Variants in GSN observed in about 807,000 individuals in gnomAD.
The protein encoded by GSN is gelsolin.
Under a neutral mutation model 85.7 loss-of-function variants are expected in GSN, and 56 were observed. The ratio of observed to expected loss-of-function variants is 0.65; its 90% CI spans 0.53 to 0.82. The LOEUF is 0.82. Among genes scored for constraint, GSN ranks in the 40% least tolerant of loss-of-function variants. The pLI is 0.00. For missense variants in GSN, 857 were observed against 979.8 expected (o/e 0.87, Z 1.67); for synonymous variants, 373 against 399.1 (o/e 0.93, Z 0.78).
chr9:121,235,837 TG>T (rs2054482179), intron 5 of GSN, among the ~76,000 whole-genome samples: 1 of 152,226 alleles, frequency 6.6e-6, no homozygotes, highest in Non-Finnish European at 1.5e-5. Context: ...GCCATGTGCC[TG>T]GCTCCTATTA....
intron 1 of GSN, among the ~76,000 whole-genome samples, chr9:121,276,241 G>A (rs2132477295): frequency 6.6e-6 from 1 of 152,350 alleles, no homozygotes; most frequent in African/African-American, 2.4e-5. Context: ...TCATGTGTTA[G>A]GTTTTCTTAA....
At chr9:121,230,650 A>G (rs1055525338) in intron 4 of GSN, among the ~76,000 whole-genome samples, 2 of 152,098 alleles carry the variant, frequency 1.3e-5, no homozygotes, top group African/African-American at 4.8e-5. Context: ...GACTTTTTCC[A>G]TCGGTAAAAT....
chr9:121,229,714 T>C (rs1411659774), intron 4 of GSN, among the ~76,000 whole-genome samples: 1 of 152,226 alleles, frequency 6.6e-6, no homozygotes, highest in African/African-American at 2.4e-5. Flanking sequence ...TTGGTTAAAG[T>C]GGTGGTTATC....
chr9:121,217,466 T>C (rs971707824), intron 4 of GSN, among the ~76,000 whole-genome samples: 5 of 152,190 alleles, frequency 3.3e-5, no homozygotes, highest in Non-Finnish European at 7.3e-5. Flanking sequence ...ACAGATTATT[T>C]TGTCACCCAG....
At chr9:121,259,221 T>G (rs2149805) in intron 6 of GSN, among the ~76,000 whole-genome samples, 57,567 of 151,990 alleles carry the variant, frequency 0.38, 13,584 homozygotes, top group East Asian at 0.62. Flanking sequence ...AACCCAGTAA[T>G]GAAATCATTA....
chr9:121,278,455 C>G lies in GSN; in HGVS notation c.-102-3015C>G, dbSNP rs541290064. On this transcript the variant is annotated intron_variant, in intron 1 of 17. Transcript: ENST00000432226. Reference sequence around the variant, plus strand: ...GAAAAATACTCTGCTCCAGTATCCCCCCATCCCACCTCCAGAGCAGAAAGC... The same window carrying G: ...GAAAAATACTCTGCTCCAGTATCCCGCCATCCCACCTCCAGAGCAGAAAGC... Among the ~76,000 whole-genome samples the G allele has an allele frequency of 9.8e-5, 15 of 152,302 alleles. No homozygotes were observed. In the South Asian group the frequency reaches 2.9e-3, roughly 30 times the overall value.
rs568415538 is a variant in GSN, at chr9:121,213,914, G to A, written c.-528+3047G>A. 7.2e-5 allele frequency among the ~76,000 whole-genome samples: 11 copies of A among 152,254 alleles called. No homozygotes were observed. The East Asian group carries it at 2.1e-3, about 29-fold the overall frequency. On this transcript the variant is annotated intron_variant, in intron 4 of 24. Transcript: ENST00000373823. ...GAAAAGATTAAAAGCCCTTTCAACC[G>A]ACGAGCTCGTACCTTCTTTTAGAGC...
At position 121,256,312 on chromosome 9, in the gene GSN, C is replaced by T. The variant is rs369056772; in HGVS notation, c.-341+7989C>T. 5.3e-5 allele frequency among the ~76,000 whole-genome samples: 8 copies of T among 152,112 alleles called. No individual in the cohort carries two copies. The South Asian group carries it at 8.3e-4, about 16-fold the overall frequency. On this transcript the variant is annotated intron_variant, in intron 6 of 24. Coordinates refer to the GSN transcript ENST00000373823. Reference sequence around the variant, plus strand: ...ATAGGAGTAAGGAGCCAAAAGAAAACGTGATGTATATATGCACTTGAATAT... The same window carrying T: ...ATAGGAGTAAGGAGCCAAAAGAAAATGTGATGTATATATGCACTTGAATAT...
chr9:121,208,711 C>T (rs2053922380), intron 1 of GSN, among the ~76,000 whole-genome samples: 1 of 152,316 alleles, frequency 6.6e-6, no homozygotes, highest in African/African-American at 2.4e-5. Context: ...ATGGTCACAC[C>T]TAGCTGAAAG....
intron 12 of GSN, among the ~76,000 whole-genome samples, chr9:121,325,214 A>G (rs1333569621): frequency 4.6e-5 from 7 of 152,220 alleles, no homozygotes; most frequent in Non-Finnish European, 7.4e-5. Context: ...CCCCTTATAC[A>G]TATGTGTTAA....
intron 6 of GSN, among the ~76,000 whole-genome samples, chr9:121,260,087 C>A (rs2055050105): frequency 6.6e-6 from 1 of 152,246 alleles, no homozygotes; most frequent in Admixed American, 6.5e-5. Context: ...CTGGACTAAG[C>A]ACAGAGGAAG....
intron 5 of GSN, 145 bp downstream of exon 5, chr9:121,310,990 A>T (rs2133439906): frequency 1.4e-6 from 1 of 732,330 alleles, no homozygotes; most frequent in South Asian, 1.6e-5. Flanking sequence ...ATATGTCTGT[A>T]TGCAAAGACT....
intron 5 of GSN, among the ~76,000 whole-genome samples, chr9:121,237,160 G>A (rs2054511645): frequency 6.6e-6 from 1 of 152,208 alleles, no homozygotes; most frequent in African/African-American, 2.4e-5. Context: ...TGCTCAGAGA[G>A]GGAGAGCTGT....
chr9:121,235,619 C>T (rs998124598), intron 5 of GSN, among the ~76,000 whole-genome samples: 1 of 152,210 alleles, frequency 6.6e-6, no homozygotes, highest in Non-Finnish European at 1.5e-5. Context: ...CTTTGTCGCT[C>T]ATTCTTCCCC....
At chr9:121,314,209 G>A (rs988038584) in intron 7 of GSN, among the ~76,000 whole-genome samples, 186 bp downstream of exon 7, 8 of 152,204 alleles carry the variant, frequency 5.3e-5, no homozygotes, top group African/African-American at 1.7e-4. Context: ...AAGAGCATGC[G>A]ATCAACTCCG....
At chr9:121,331,502 C>A in intron 17 of GSN, 54 bp downstream of exon 17, 1 of 1,023,038 alleles carries the variant, frequency 9.8e-7, no homozygotes, top group Non-Finnish European at 1.5e-6. Context: ...TTGTGGGGTG[C>A]TGGGAGTGGC....
At chr9:121,263,746 C>T (rs569166467), upstream of GSN, among the ~76,000 whole-genome samples, 10 of 152,050 alleles carry the variant, frequency 6.6e-5, no homozygotes, top group East Asian at 1.9e-4. Context: ...CAAAATTAGC[C>T]GGGCGTTGTT....
chr9:121,227,017 C>CCTGCAATCAG (rs1423224152), intron 4 of GSN, among the ~76,000 whole-genome samples: 1 of 152,204 alleles, frequency 6.6e-6, no homozygotes, highest in African/African-American at 2.4e-5. Context: ...GACAGAAGCT[C>CCTGCAATCAG]CTGCAATCAG....
chr9:121,311,215 GTTGT>G (rs1191871866), intron 5 of GSN: 5 of 328,246 alleles, frequency 1.5e-5, no homozygotes, highest in Non-Finnish European at 2.9e-5. Flanking sequence ...ACTCGGGTAT[GTTGT>G]TTAAGGTCCC....
Sources: gnomAD v4.1 joint callset for allele counts (sites outside exome capture counted in the v4.1 genomes callset) on GRCh38, gnomAD v4.1.1 for gene constraint, MANE v1.5 for transcripts, NCBI Gene and HGNC (gene_info 2026-07-23, HGNC 2026-07-21) for gene names.